FHIT: variants seen among roughly 807,000 people sequenced by gnomAD.
FHIT encodes fragile histidine triad diadenosine triphosphatase.
Under a neutral mutation model 17.9 loss-of-function variants are expected in FHIT, and 19 were observed. That is an observed-to-expected ratio of 1.06 (90% confidence interval 0.74 to 1.56). The LOEUF is 1.56. FHIT is among the 40% of genes most tolerant of loss of function. The probability of loss-of-function intolerance (pLI) is 0.00; values close to 1 mark genes in which losing one functional copy is unlikely to be tolerated. For missense variants in FHIT, 248 were observed against 189.2 expected, an observed-to-expected ratio of 1.31 and a Z score of -1.82; for synonymous variants, 81 against 69.7, an observed-to-expected ratio of 1.16 and a Z score of -0.81.
intron 4 of FHIT, among the ~76,000 whole-genome samples, chr3:60,667,941 C>T (rs979128485): frequency 1.3e-5 from 2 of 151,960 alleles, no homozygotes; most frequent in African/African-American, 4.8e-5. Flanking sequence ...CCACACTGGG[C>T]CTCAGGTATC....
At chr3:60,690,380 T>A in intron 4 of FHIT, 1 of 576,636 alleles carries the variant, frequency 1.7e-6, no homozygotes. Context: ...GCAGGGCACA[T>A]GAAAAACTGG....
rs116359676 is a variant in FHIT at position 59,837,275 on chromosome 3, G to A, written c.349-84954C>T. Among the ~76,000 whole-genome samples the A allele has an allele frequency of 7.8e-3, 1,193 of 152,186 alleles. 7 individuals carry two copies. Among genetic ancestry groups the A allele is most frequent in the African/African-American group, 0.018 (735 of 41,514 alleles). On this transcript the variant is annotated intron_variant, in intron 8 of 9. Transcript: ENST00000492590. ...ACCTCCCTCAGATGCCAAAATGCAC[G>A]GATGTTCAGGTCGCTGATATAAAAT...
intron 4 of FHIT, among the ~76,000 whole-genome samples, chr3:60,636,963 G>C (rs1413852975): frequency 1.3e-5 from 2 of 152,116 alleles, no homozygotes; most frequent in African/African-American, 4.8e-5. Context: ...CCAAGTCATG[G>C]TGGGGGCTGG....
rs183072518 is a variant in FHIT at position 60,234,047 on chromosome 3, C to A, written c.104-219895G>T. On this transcript the variant is annotated intron_variant, in intron 5 of 9. Transcript: ENST00000492590. The stretch of plus-strand genomic sequence containing the variant: ...ACTTATTATCAATATACTCCCCATA[C>A]TAGAATACATGCTCTGAGATCATTG... 6.6e-4 allele frequency among the ~76,000 whole-genome samples: 101 copies of A among 152,264 alleles called. 1 individual carries two copies. Among genetic ancestry groups the A allele is most frequent in the Non-Finnish European group, 2.5e-4 (17 of 68,020 alleles).
intron 4 of FHIT, among the ~76,000 whole-genome samples, chr3:60,763,238 A>G (rs1699721759): frequency 6.6e-6 from 1 of 152,200 alleles, no homozygotes; most frequent in Non-Finnish European, 1.5e-5. Flanking sequence ...GATAGGGATC[A>G]TTATCATGGT....
In FHIT at chr3:60,781,569, T is replaced by C. The variant is rs11927450; in HGVS notation, c.-18+40350A>G. On this transcript the variant is annotated intron_variant, in intron 4 of 9. Coordinates refer to ENST00000492590, the MANE Select transcript of FHIT (RefSeq NM_002012.4). ...TCTTCACTATTTTTCAACTTAAAAT[T>C]GGATACATTTATAGTCACTTGACCT... Among the ~76,000 whole-genome samples, 119 of 152,296 alleles carry C rather than the reference T, an allele frequency of 7.8e-4. 1 individual carries two copies. Among genetic ancestry groups the C allele is most frequent in the Middle Eastern group, 3.4e-3 (1 of 294 alleles).
At chr3:59,776,075 TACATGTGTCC>T (rs1331087059) in intron 8 of FHIT, among the ~76,000 whole-genome samples, 3 of 152,240 alleles carry the variant, frequency 2.0e-5, no homozygotes, top group African/African-American at 7.2e-5. Context: ...CCCAGCTCCT[TACATGTGTCC>T]ACAGGAGTTA....
At chr3:60,897,322 C>T (rs782672062) in intron 3 of FHIT, among the ~76,000 whole-genome samples, 11 of 152,038 alleles carry the variant, frequency 7.2e-5, no homozygotes, top group South Asian at 2.1e-4. Context: ...GCTTTTCTAT[C>T]GGATTTATGG....
At chr3:60,067,008 C>T (rs1460100634) in intron 5 of FHIT, among the ~76,000 whole-genome samples, 3 of 151,956 alleles carry the variant, frequency 2.0e-5, no homozygotes, top group Non-Finnish European at 4.4e-5. Context: ...ACTCTCAGTG[C>T]CTATCACAGA....
chr3:59,875,837 T>G (rs1174867076), intron 8 of FHIT, among the ~76,000 whole-genome samples: 1 of 152,100 alleles, frequency 6.6e-6, no homozygotes, highest in Non-Finnish European at 1.5e-5. Context: ...TGGATTCATA[T>G]GCCAGCCATG....
At position 59,802,698 on chromosome 3, in the gene FHIT, A is replaced by C. The variant is rs141397297; in HGVS notation, c.349-50377T>G. Among the ~76,000 whole-genome samples, 60 of 152,258 alleles carry C rather than the reference A, an allele frequency of 3.9e-4. 1 individual carries two copies. The highest frequency in any genetic ancestry group is 1.4e-3 in the African/African-American group (57 of 41,548). ...ATTAAAAAGCTTTATTGCTCACATA[A>C]AGCCTATTGGTTTGGTGGTCTCTTC... On this transcript the variant is annotated intron_variant, in intron 8 of 9. Coordinates refer to ENST00000492590, the MANE Select transcript of FHIT (RefSeq NM_002012.4).
At chr3:59,804,933 G>A (rs976329472) in intron 8 of FHIT, among the ~76,000 whole-genome samples, 1 of 152,140 alleles carries the variant, frequency 6.6e-6, no homozygotes, top group East Asian at 1.9e-4. Flanking sequence ...GGGCTCTCTC[G>A]AGACAGGTAC....
At chr3:60,780,450 C>G (rs1316329089) in intron 4 of FHIT, among the ~76,000 whole-genome samples, 1 of 152,174 alleles carries the variant, frequency 6.6e-6, no homozygotes, top group Non-Finnish European at 1.5e-5. Flanking sequence ...TGGCCTCCCT[C>G]TACGTGTGCA....
intron 4 of FHIT, among the ~76,000 whole-genome samples, chr3:60,700,191 C>T (rs1477071529): frequency 6.6e-6 from 1 of 151,292 alleles, no homozygotes. Flanking sequence ...AGTCAATACG[C>T]TATCCCAGCA....
rs561551089 is a variant in FHIT, at chr3:60,103,191, A to G, written c.104-89039T>C. ...CAGGAAAGGAGACAGCTGTGTTTCT[A>G]GACTTGACAGACTTGTTTTTACTTG... On this transcript the variant is annotated intron_variant, in intron 5 of 9. Coordinates refer to ENST00000492590, the MANE Select transcript of FHIT (RefSeq NM_002012.4). Among the ~76,000 whole-genome samples, 52 of 152,172 alleles carry G rather than the reference A, an allele frequency of 3.4e-4. No homozygotes were observed. The East Asian group carries it at 0.01, about 29-fold the overall frequency.
chr3:60,803,882 C>T (rs554794340), intron 4 of FHIT, among the ~76,000 whole-genome samples: 1 of 151,732 alleles, frequency 6.6e-6, no homozygotes, highest in African/African-American at 2.4e-5. Context: ...TTAGCAAAAT[C>T]CAAATTAGCA....
At chr3:60,282,745 G>A (rs780803684) in intron 5 of FHIT, among the ~76,000 whole-genome samples, 2 of 152,044 alleles carry the variant, frequency 1.3e-5, no homozygotes, top group Non-Finnish European at 2.9e-5. Flanking sequence ...CAATTTTTCT[G>A]AAAATCTAAA....
At chr3:60,686,705 C>A (rs1355262811) in intron 4 of FHIT, among the ~76,000 whole-genome samples, 1 of 152,084 alleles carries the variant, frequency 6.6e-6, no homozygotes, top group Non-Finnish European at 1.5e-5. Context: ...CCTTTTCTGG[C>A]CCTCTTTTTA....
At chr3:59,922,760 A>C (rs1286183070) in intron 7 of FHIT, among the ~76,000 whole-genome samples, 3 of 152,224 alleles carry the variant, frequency 2.0e-5, no homozygotes, top group Non-Finnish European at 4.4e-5. Context: ...TCTGAAACTG[A>C]CAAGAAATAA....
Sources: allele counts gnomAD v4.1 joint callset (sites outside exome capture counted in the v4.1 genomes callset), GRCh38; gene constraint gnomAD v4.1.1; transcripts MANE v1.5; gene names NCBI Gene and HGNC (gene_info 2026-07-23, HGNC 2026-07-21).